PTPRK: variants seen among roughly 807,000 people sequenced by gnomAD.
PTPRK encodes the protein receptor-type tyrosine-protein phosphatase kappa.
In PTPRK, 75 loss-of-function variants were observed where a neutral mutation model predicts 178.0. That is an observed-to-expected ratio of 0.42 (90% CI 0.35 to 0.51). PTPRK has a LOEUF of 0.51. PTPRK is among the 20% of genes least tolerant of loss of function. PTPRK has a pLI of 0.02. For missense variants in PTPRK, 1,441 were observed against 1,797.8 expected (o/e 0.80, Z 3.59); for synonymous variants, 637 against 620.6 (o/e 1.03, Z -0.39).
intron 1 of PTPRK, among the ~76,000 whole-genome samples, chr6:128,466,077 G>A (rs192533594): frequency 9.2e-5 from 14 of 152,256 alleles, no homozygotes; most frequent in African/African-American, 3.1e-4. Context: ...TGCCTAGGAA[G>A]CAAGTCATAC....
chr6:128,457,038 T>C (rs1246118556), intron 1 of PTPRK, among the ~76,000 whole-genome samples: 1 of 152,152 alleles, frequency 6.6e-6, no homozygotes, highest in Non-Finnish European at 1.5e-5. Context: ...CATCAATTTG[T>C]TGCCATGGAA....
At chr6:128,480,773 G>A (rs1851975116) in intron 1 of PTPRK, among the ~76,000 whole-genome samples, 1 of 152,192 alleles carries the variant, frequency 6.6e-6, no homozygotes, top group Non-Finnish European at 1.5e-5. Context: ...CCAGTCCAGT[G>A]TTCTGCCCAC....
intron 7 of PTPRK, among the ~76,000 whole-genome samples, chr6:128,111,103 C>T (rs533774301): frequency 1.8e-4 from 28 of 152,106 alleles, no homozygotes; most frequent in Admixed American, 3.3e-4. Context: ...GATGTCCTAT[C>T]GGTAGGCATA....
At chr6:127,990,166 C>T (rs373128343) in intron 21 of PTPRK, among the ~76,000 whole-genome samples, 3 of 152,054 alleles carry the variant, frequency 2.0e-5, no homozygotes, top group South Asian at 4.2e-4. Context: ...CTACAAGGCA[C>T]CACTTATCCA....
At chr6:128,200,885 G>GA (rs1294332479) in intron 6 of PTPRK, among the ~76,000 whole-genome samples, 1 of 103,496 alleles carries the variant, frequency 9.7e-6, no homozygotes, top group Non-Finnish European at 1.9e-5. Context: ...AGGAAGAAGG[G>GA]AGGGAAGGAG....
chr6:128,318,229 C>T (rs1475022211), intron 3 of PTPRK, among the ~76,000 whole-genome samples: 1 of 152,144 alleles, frequency 6.6e-6, no homozygotes. Flanking sequence ...GCCTGAAGAT[C>T]AATCTTTTAG....
At chr6:128,114,553 G>T (rs368331836) in intron 7 of PTPRK, among the ~76,000 whole-genome samples, 1 of 151,070 alleles carries the variant, frequency 6.6e-6, no homozygotes, top group Admixed American at 6.6e-5. Flanking sequence ...CAGGGAGGAG[G>T]TGGAGGTTGC....
chr6:128,397,122 T>A (rs1419847791), intron 2 of PTPRK, among the ~76,000 whole-genome samples: 2 of 152,210 alleles, frequency 1.3e-5, no homozygotes, highest in African/African-American at 2.4e-5. Flanking sequence ...GGCATGCTCA[T>A]GACCACTGGG....
chr6:128,253,050 C>T (rs994116344), intron 3 of PTPRK, among the ~76,000 whole-genome samples: 2 of 152,114 alleles, frequency 1.3e-5, no homozygotes, highest in South Asian at 4.1e-4. Context: ...GTATGCCAAA[C>T]CCCTGCTCTC....
intron 3 of PTPRK, among the ~76,000 whole-genome samples, chr6:128,303,994 C>G (rs1267304194): frequency 6.6e-6 from 1 of 152,180 alleles, no homozygotes; most frequent in Non-Finnish European, 1.5e-5. Context: ...GGTTGTGTCA[C>G]AGCCCCACGA....
chr6:128,186,594 C>T (rs930282826), intron 6 of PTPRK, among the ~76,000 whole-genome samples: 13 of 152,076 alleles, frequency 8.5e-5, no homozygotes, highest in South Asian at 4.2e-4. Context: ...TCCAATTTCA[C>T]GACTGAATTC....
At chr6:128,401,567 T>C (rs1025278812) in intron 1 of PTPRK, among the ~76,000 whole-genome samples, 1 of 152,120 alleles carries the variant, frequency 6.6e-6, no homozygotes. Flanking sequence ...TGAAAAGTCG[T>C]AGATCACTGG....
At position 127,982,986 on chromosome 6, in the gene PTPRK, A is replaced by C; in HGVS notation, c.3388-6T>G. The stretch of plus-strand genomic sequence containing the variant: ...TGAATAAAAATGTACTGTTCCTACC[A>C]AAAGAATGAAAAAGAAAATTTTGTA... On this transcript the variant is annotated splice_region_variant and splice_polypyrimidine_tract_variant and intron_variant, in intron 23 of 29. Coordinates refer to ENST00000368226, the MANE Select transcript of PTPRK (RefSeq NM_002844.4). 6.3e-7 allele frequency: 1 copy of C among 1,595,014 alleles called. No homozygotes were observed. The highest frequency in any genetic ancestry group is 8.5e-7 in the Non-Finnish European group (1 of 1,172,174).
chr6:128,421,115 T>C (rs1053299274), intron 1 of PTPRK, among the ~76,000 whole-genome samples: 1 of 152,254 alleles, frequency 6.6e-6, no homozygotes, highest in Non-Finnish European at 1.5e-5. Context: ...ATCTGACAGA[T>C]ATATTTTTCC....
At chr6:128,167,957 AT>A (rs1180441313) in intron 7 of PTPRK, among the ~76,000 whole-genome samples, 1 of 152,102 alleles carries the variant, frequency 6.6e-6, no homozygotes, top group Admixed American at 6.6e-5. Context: ...TTAAATAAAA[AT>A]TTAACTGAGT....
intron 1 of PTPRK, among the ~76,000 whole-genome samples, chr6:128,495,453 A>G (rs1854513607): frequency 6.6e-6 from 1 of 152,024 alleles, no homozygotes; most frequent in Non-Finnish European, 1.5e-5. Context: ...TGGAGGCAAG[A>G]GCCTAAAAAA....
intron 13 of PTPRK, among the ~76,000 whole-genome samples, chr6:128,011,055 A>C (rs757893754): frequency 6.6e-6 from 1 of 150,792 alleles, no homozygotes; most frequent in Non-Finnish European, 1.5e-5. Context: ...CTATATCTCT[A>C]TATATGTAGA....
At chr6:128,315,589 AAT>A (rs1827882179) in intron 3 of PTPRK, among the ~76,000 whole-genome samples, 1 of 152,118 alleles carries the variant, frequency 6.6e-6, no homozygotes, top group Admixed American at 6.6e-5. Flanking sequence ...ACATGAGTAA[AAT>A]TTAGTGTCCA....
intron 3 of PTPRK, among the ~76,000 whole-genome samples, chr6:128,293,787 G>A (rs1823801594): frequency 6.6e-6 from 1 of 152,048 alleles, no homozygotes; most frequent in African/African-American, 2.4e-5. Context: ...AAAACTAACT[G>A]AGGAAAAGAG....
Sources: gnomAD v4.1 joint callset for allele counts (sites outside exome capture counted in the v4.1 genomes callset) on GRCh38, gnomAD v4.1.1 for gene constraint, MANE v1.5 for transcripts, NCBI Gene and HGNC (gene_info 2026-07-23, HGNC 2026-07-21) for gene names.